PBDC1: variants seen among roughly 807,000 people sequenced by gnomAD.
PBDC1 encodes the protein polysaccharide biosynthesis domain containing 1.
Under a neutral mutation model 12.0 loss-of-function variants are expected in PBDC1, and 3 were observed. The ratio of observed to expected loss-of-function variants is 0.25; its 90% CI spans 0.11 to 0.64. The LOEUF (loss-of-function observed/expected upper bound fraction) is 0.64. Among genes scored for constraint, PBDC1 ranks in the 30% least tolerant of loss-of-function variants. The pLI, the probability that PBDC1 is intolerant of heterozygous loss-of-function variation, is 0.84. For missense variants in PBDC1, 162 were observed against 168.1 expected (o/e 0.96, Z 0.20); for synonymous variants, 64 against 56.4 (o/e 1.13, Z -0.60).
At chrX:76,176,580 G>C (rs782075978) in intron 4 of PBDC1, among the ~76,000 whole-genome samples, 4 of 111,942 alleles carry the variant, frequency 3.6e-5, no homozygotes, top group African/African-American at 1.3e-4. Flanking sequence ...ACCATTTTGG[G>C]CTGAACTGAC....
rs781821096 is a variant in PBDC1, at chrX:76,177,707, A to C, written c.501A>C (p.Gly167=). 64 of 1,206,512 alleles carry C rather than the reference A, an allele frequency of 5.3e-5. No individual in the cohort carries two copies. Among genetic ancestry groups the C allele is most frequent in the Non-Finnish European group, 7.0e-5 (63 of 893,897 alleles). Residue 167 remains glycine, a synonymous_variant, in exon 6 of 6, where the codon GGA becomes GGC. Coordinates refer to ENST00000373358, the MANE Select transcript of PBDC1 (RefSeq NM_016500.5). ...AVYISVQDKE[G]EKGVNNGGEK... The stretch of plus-strand genomic sequence containing the variant: ...ATATCAGTGTTCAGGACAAAGAAGG[A>C]GAGAAAGGAGTCAACAATGGAGGAG...
In PBDC1 at chrX:76,177,943, T is replaced by A. The variant is rs1556797147; in HGVS notation, c.*35T>A. The A allele has an allele frequency of 2.2e-5, 26 of 1,201,561 alleles. No homozygotes were observed. Among genetic ancestry groups the A allele is most frequent in the Non-Finnish European group, 2.9e-5 (26 of 891,019 alleles). ...GGAACAGCACTCTAGAAGCTATGAC[T>A]CAATTGAGACTACAAGTACCACGGT... On this transcript the variant is annotated 3_prime_UTR_variant, in exon 6 of 6. Transcript: ENST00000373358.
rs1556796648 is a variant in PBDC1, at chrX:76,173,616, C to G, written c.62C>G (p.Ala21Gly). Residue 21 changes from alanine (A) to glycine (G), a missense_variant, in exon 2 of 6, where the codon GCG becomes GGG. This residue lies in a region of PBDC1 where 41 missense variants were observed against 28.5 expected (regional missense o/e 1.44). Coordinates refer to ENST00000373358, the MANE Select transcript of PBDC1 (RefSeq NM_016500.5). The part of the protein sequence containing the change: ...VSGELVSVAH[A>G]LSLPAESYGN... ...GGGGAGTTGGTGTCTGTGGCACATGCGCTTTCTCTCCCAGCAGAGTCGTAT... is the reference window on the plus strand; with the variant it reads ...GGGGAGTTGGTGTCTGTGGCACATGGGCTTTCTCTCCCAGCAGAGTCGTAT... 4 of 1,196,246 alleles carry G rather than the reference C, an allele frequency of 3.3e-6. No homozygotes were observed. Among genetic ancestry groups the G allele is most frequent in the East Asian group, 3.0e-5 (1 of 33,339 alleles).
chrX:76,178,013 A>G lies in PBDC1; in HGVS notation c.*105A>G, dbSNP rs1924836056. 5.2e-6 allele frequency: 6 copies of G among 1,159,904 alleles called. No homozygotes were observed. The South Asian group carries it at 1.0e-4, about 20-fold the overall frequency. On this transcript the variant is annotated 3_prime_UTR_variant, in exon 6 of 6. Transcript: ENST00000373358. ...TTGGTTAAATGTAAATTCTTGTACA[A>G]TTGAAGGATACGCAGAAGGACATCT...
intron 3 of PBDC1, 27 bp downstream of exon 3, chrX:76,174,976 C>T (rs782235566): frequency 4.8e-6 from 5 of 1,033,026 alleles, no homozygotes; most frequent in Non-Finnish European, 6.8e-6. Context: ...CATCATTAAG[C>T]AGAATTAAAC....
chrX:76,174,786 G>A, intron 2 of PBDC1, 104 bp from the exon 3 acceptor site: 1 of 593,687 alleles, frequency 1.7e-6, no homozygotes, highest in Non-Finnish European at 2.9e-6. Context: ...ATCAAGTTTG[G>A]TAGCCCTCTT....
At chrX:76,176,045 A>G (rs1924781508) in intron 4 of PBDC1, among the ~76,000 whole-genome samples, 1 of 112,489 alleles carries the variant, frequency 8.9e-6, no homozygotes, top group South Asian at 3.7e-4. Context: ...TTGATAGGAA[A>G]CTAACACATT....
chrX:76,173,831 C>A (rs1283637225), intron 2 of PBDC1, among the ~76,000 whole-genome samples, 181 bp downstream of exon 2: 1 of 112,160 alleles, frequency 8.9e-6, no homozygotes, highest in Non-Finnish European at 1.9e-5. Flanking sequence ...GCAGGACTAA[C>A]GCCTGTGGAA....
chrX:76,177,751 G>A lies in PBDC1; in HGVS notation c.545G>A (p.Gly182Glu), dbSNP rs781866536. 3.3e-6 allele frequency: 4 copies of A among 1,208,509 alleles called. No individual in the cohort carries two copies. Among genetic ancestry groups the A allele is most frequent in the Non-Finnish European group, 3.4e-6 (3 of 894,235 alleles). Residue 182 changes from glycine (G) to glutamate (E), a missense_variant, in exon 6 of 6, where the codon GGA (glycine) becomes GAA (glutamate). Physicochemically the swap from Gly to Glu is moderately conservative, Grantham distance 98. Transcript: ENST00000373358. ...NNGGEKRADS[G>E]EEENTKNGGE... The stretch of plus-strand genomic sequence containing the variant: ...GGAGGAGAAAAAAGAGCTGACAGTG[G>A]AGAAGAAGAGAACACCAAGAATGGA...
intron 3 of PBDC1, among the ~76,000 whole-genome samples, 192 bp from the exon 4 acceptor site, chrX:76,175,281 T>G (rs1924763430): frequency 8.9e-6 from 1 of 112,121 alleles, no homozygotes; most frequent in Non-Finnish European, 1.9e-5. Flanking sequence ...ACTGCCAAAT[T>G]GGTGGAAGGG....
intron 3 of PBDC1, 147 bp downstream of exon 3, chrX:76,175,096 G>A: frequency 2.0e-6 from 1 of 509,070 alleles, no homozygotes; most frequent in Non-Finnish European, 3.3e-6. Flanking sequence ...AGACAACAGA[G>A]GAGCGAAGGC....
Position 76,176,989 on chromosome X carries a change from T to C in PBDC1, c.406T>C (p.Phe136Leu). 3 of 1,150,020 alleles carry C rather than the reference T, an allele frequency of 2.6e-6. No homozygotes were observed. The East Asian group carries it at 8.9e-5, about 34-fold the overall frequency. The allele number at this position is 1,150,020 out of a possible 1,213,427, so 94.8% of individuals were successfully genotyped here. A position where few individuals can be genotyped will look rare whatever the true frequency, so the allele number is the denominator to read the frequency against. Residue 136 changes from phenylalanine (F) to leucine (L), a missense_variant, in exon 5 of 6, where the codon TTT (phenylalanine) becomes CTT (leucine). Coordinates refer to ENST00000373358, the MANE Select transcript of PBDC1 (RefSeq NM_016500.5). ...SQGYTEENTI[F>L]APRIQFFAIE... ...GGGCTACACTGAGGAAAACACCATC[T>C]TTGGTGAGTTTCTTCCCTCTGGAAT...
rs1924714119 is a variant in PBDC1, at chrX:76,173,579, T to A, written c.31-6T>A. 8.4e-7 allele frequency: 1 copy of A among 1,187,101 alleles called. No homozygotes were observed. Among genetic ancestry groups the A allele is most frequent in the Non-Finnish European group, 1.1e-6 (1 of 883,225 alleles). On this transcript the variant is annotated splice_polypyrimidine_tract_variant and splice_region_variant and intron_variant, in intron 1 of 5. Transcript: ENST00000373358. ...GGAGCCTTGAACTCTTTTTCCTCCT[T>A]TCTAGGTTTCCGGGGAGTTGGTGTC...
intron 2 of PBDC1, 139 bp from the exon 3 acceptor site, chrX:76,174,751 C>G: frequency 2.0e-6 from 1 of 495,407 alleles, no homozygotes; most frequent in South Asian, 3.3e-5. Flanking sequence ...ATTTATTACT[C>G]CAGTTTTTAT....
chrX:76,174,905 G>T lies in PBDC1; in HGVS notation c.112G>T (p.Ala38Ser). The T allele has an allele frequency of 8.3e-7, 1 of 1,209,037 alleles. No homozygotes were observed. The highest frequency in any genetic ancestry group is 1.1e-6 in the Non-Finnish European group (1 of 892,781). ...SYGNDPDIEM[A>S]WAMRAMQHAE... ...TCCTTTGCAGCCTGACATTGAGATG[G>T]CTTGGGCCATGAGAGCAATGCAGCA... The change falls in exon 3 of 6, where the codon GCT (alanine) becomes TCT (serine). Residue 38 changes from alanine (A) to serine (S), a missense_variant. By Grantham distance (99) the Ala-to-Ser change is moderately conservative (BLOSUM62 1). Transcript: ENST00000373358.
chrX:76,175,386 C>T (rs1364986490), intron 3 of PBDC1, 87 bp from the exon 4 acceptor site: 5 of 906,895 alleles, frequency 5.5e-6, no homozygotes, highest in Non-Finnish European at 8.0e-6. Flanking sequence ...GCCCTGAGAA[C>T]CATAAAGGTT....
Position 76,176,930 on chromosome X carries a change from A to G in PBDC1, c.347A>G (p.Asn116Ser), listed in dbSNP as rs1284572510. ...TTTAATGGGATTGTTGAAGACTTCA[A>G]CTATGGTACTTTGCTGCGACTAGAT... ...LKFNGIVEDFNYGTLLRLDCS... is the reference protein window; with the variant it reads ...LKFNGIVEDFSYGTLLRLDCS... Residue 116 changes from asparagine (N) to serine (S), a missense_variant, in exon 5 of 6, where the codon AAC becomes AGC. Physicochemically the swap from Asn to Ser is conservative, Grantham distance 46. Around this residue, in one of 3 missense-constraint regions of PBDC1, gnomAD observed 100 missense variants for 96.2 expected, o/e 1.04. Coordinates refer to ENST00000373358, the MANE Select transcript of PBDC1 (RefSeq NM_016500.5). 3 of 1,205,957 alleles carry G rather than the reference A, an allele frequency of 2.5e-6. No homozygotes were observed. Among genetic ancestry groups the G allele is most frequent in the Non-Finnish European group, 2.2e-6 (2 of 892,927 alleles).
chrX:76,173,076 A>G lies in PBDC1; in HGVS notation c.-63A>G. On this transcript the variant is annotated 5_prime_UTR_variant, in exon 1 of 6. Transcript: ENST00000373358. ...ACGGTGGAGCCGCCAGTTGAGAAGG[A>G]CTCTGATCCGGCTCAGCTTTCCAAT... is the stretch of plus-strand genomic sequence containing the variant. 8.9e-7 allele frequency: 1 copy of G among 1,120,953 alleles called. No homozygotes were observed. Among genetic ancestry groups the G allele is most frequent in the African/African-American group, 1.8e-5 (1 of 54,980 alleles). 92.4% of individuals were successfully genotyped at this position (1,120,953 alleles called of 1,213,427 possible). A position where few individuals can be genotyped will look rare whatever the true frequency, so the allele number is the denominator to read the frequency against.
chrX:76,175,348 C>G, intron 3 of PBDC1, 125 bp from the exon 4 acceptor site: 1 of 593,646 alleles, frequency 1.7e-6, no homozygotes, highest in South Asian at 2.7e-5. Flanking sequence ...AGGATGTAGA[C>G]TGTCGACACT....
Sources: gnomAD v4.1 joint callset for allele counts (sites outside exome capture counted in the v4.1 genomes callset) on GRCh38, gnomAD v4.1.1 for gene constraint, gnomAD v4.1.1 regional missense constraint, MANE v1.5 for transcripts, NCBI Gene and HGNC (gene_info 2026-07-23, HGNC 2026-07-21) for gene names.